NME9: variants seen among roughly 807,000 people sequenced by gnomAD.
The protein encoded by NME9 is thioredoxin domain-containing protein 6.
In NME9, 48 loss-of-function variants were observed where a neutral mutation model predicts 44.4. The observed-to-expected ratio is 1.08, with a 90% CI of 0.86 to 1.37. The LOEUF (loss-of-function observed/expected upper bound fraction) is 1.37. Ranked by LOEUF, NME9 falls within the 40% of genes most tolerant of loss-of-function variation. The pLI is 0.00. For synonymous variants in NME9, 139 were observed against 147.1 expected, an observed-to-expected ratio of 0.94 and a Z score of 0.40; for missense variants, 325 against 405.2, an observed-to-expected ratio of 0.80 and a Z score of 1.70.
chr3:138,311,058 A>T (rs1469496283), intron 6 of NME9, among the ~76,000 whole-genome samples: 1 of 152,172 alleles, frequency 6.6e-6, no homozygotes, highest in Non-Finnish European at 1.5e-5. Context: ...GAAAATGGAG[A>T]CATAACAACT....
chr3:138,328,351 C>G (rs1407710096), intron 1 of NME9, among the ~76,000 whole-genome samples: 1 of 134,790 alleles, frequency 7.4e-6, no homozygotes, highest in Non-Finnish European at 1.6e-5. Context: ...CCACCCCACA[C>G]CCCTCCCACC....
chr3:138,294,769 G>A (rs1222974016), intron 8 of NME9, among the ~76,000 whole-genome samples: 1 of 152,150 alleles, frequency 6.6e-6, no homozygotes, highest in East Asian at 1.9e-4. Context: ...CCATGTTTGT[G>A]ATAGGAATAG....
chr3:138,264,244 T>G (rs1308434981), intron 8 of NME9: 3 of 1,569,238 alleles, frequency 1.9e-6, no homozygotes. Flanking sequence ...GTAACAGCTG[T>G]ACTCACAGAC....
At chr3:138,299,651 T>C (rs139086644), downstream of NME9, among the ~76,000 whole-genome samples, 1 of 152,208 alleles carries the variant, frequency 6.6e-6, no homozygotes, top group African/African-American at 2.4e-5. Context: ...TCACCAGTAA[T>C]GGGAGGAAGG....
At chr3:138,296,725 A>G (rs1433340136), downstream of NME9, 1 of 152,192 alleles carries the variant, frequency 6.6e-6, no homozygotes, top group Non-Finnish European at 1.5e-5. Context: ...AAGTAAAGTG[A>G]GGCAACAGAT....
intron 8 of NME9, among the ~76,000 whole-genome samples, chr3:138,271,212 CTT>C (rs1226941285): frequency 6.6e-6 from 1 of 152,160 alleles, no homozygotes; most frequent in Non-Finnish European, 1.5e-5. Flanking sequence ...CTTTGCACAG[CTT>C]TTAGCACTTC....
At chr3:138,305,576 C>T (rs1221694224) in intron 8 of NME9, among the ~76,000 whole-genome samples, 3 of 152,062 alleles carry the variant, frequency 2.0e-5, no homozygotes, top group Non-Finnish European at 4.4e-5. Flanking sequence ...GGGTTCTGAC[C>T]CAAGCTAAGC....
At position 138,273,188 on chromosome 3, in the gene NME9, G is replaced by C. The variant is rs533617361; in HGVS notation, c.746-10602C>G. The C allele has an allele frequency of 5.1e-5, 74 of 1,437,406 alleles. No individual in the cohort carries two copies. The African/African-American group carries it at 6.6e-4, about 13-fold the overall frequency. 89.0% of individuals were successfully genotyped at this position (1,437,406 alleles called of 1,614,324 possible). On this transcript the variant is annotated intron_variant, in intron 8 of 8. Coordinates refer to the NME9 transcript ENST00000317876. Reference sequence around the variant, plus strand: ...CATTGCAAGACATTGCTCTCTCTCTGTGCTCTCATTAACATCTGCCCATGA... The same window carrying C: ...CATTGCAAGACATTGCTCTCTCTCTCTGCTCTCATTAACATCTGCCCATGA...
At chr3:138,318,274 T>C (rs1000266002) in intron 3 of NME9, 55 bp from the exon 4 acceptor site, 16 of 1,171,102 alleles carry the variant, frequency 1.4e-5, no homozygotes, top group African/African-American at 1.2e-4. Flanking sequence ...CAGGGCCCAA[T>C]TGATTGGTGG....
intron 2 of NME9, among the ~76,000 whole-genome samples, chr3:138,323,849 G>C (rs1288531830): frequency 2.6e-5 from 4 of 152,212 alleles, no homozygotes; most frequent in Non-Finnish European, 5.9e-5. Flanking sequence ...GAAGTAAAGA[G>C]TGGGTGACAG....
intron 8 of NME9, among the ~76,000 whole-genome samples, chr3:138,292,872 G>T (rs1473918707): frequency 6.6e-6 from 1 of 152,188 alleles, no homozygotes; most frequent in Non-Finnish European, 1.5e-5. Context: ...GAAAGATGCA[G>T]CAAAGGAGCA....
intron 1 of NME9, among the ~76,000 whole-genome samples, chr3:138,325,293 TTG>T (rs2053710476): frequency 6.6e-6 from 1 of 152,226 alleles, no homozygotes. Context: ...GTTGAATTTA[TTG>T]CCATTCACTC....
chr3:138,312,426 A>G (rs2052763932), intron 6 of NME9, among the ~76,000 whole-genome samples: 1 of 152,010 alleles, frequency 6.6e-6, no homozygotes, highest in Non-Finnish European at 1.5e-5. Flanking sequence ...CAGACACAGA[A>G]TAGCGAACCC....
rs931756286 is a variant in NME9 at position 138,316,353 on chromosome 3, A to G, written c.268-710T>C. ...AAGCACTAAGGCAGAGGCAAAGAAT[A>G]TAAACATTAAACATGAAAAAACATA... On this transcript the variant is annotated intron_variant, in intron 4 of 10. Coordinates refer to ENST00000333911, the MANE Select transcript of NME9 (RefSeq NM_001349018.2). 2.6e-5 allele frequency among the ~76,000 whole-genome samples: 4 copies of G among 152,252 alleles called. No individual in the cohort carries two copies. The East Asian group carries it at 5.8e-4, about 22-fold the overall frequency.
intron 8 of NME9, chr3:138,267,258 T>G: frequency 2.7e-6 from 4 of 1,488,150 alleles, no homozygotes; most frequent in Non-Finnish European, 3.7e-6. Context: ...ATTGATTTTC[T>G]TTTCCTAGAC....
rs1219499678 is a variant in NME9, at chr3:138,318,175, CT to C, written c.239del (p.Lys80SerfsTer31). On this transcript the variant is annotated frameshift_variant, in exon 4 of 11. Transcript: ENST00000333911. LOFTEE classifies it high-confidence loss of function. ...RLDVLEKYRG[K>X]CEPTFLFYAG... Reference sequence around the variant, plus strand: ...CATAAAACAGAAAGGTTGGCTCGCACTTCCCTCTGTACTTTTCGAGGACATC... The same window carrying C: ...CATAAAACAGAAAGGTTGGCTCGCACTCCCTCTGTACTTTTCGAGGACATC... The C allele has an allele frequency of 1.5e-5, 24 of 1,611,968 alleles. No homozygotes were observed. The highest frequency in any genetic ancestry group is 2.0e-5 in the Non-Finnish European group (23 of 1,178,126).
chr3:138,300,700 G>A (rs958378558), downstream of NME9, among the ~76,000 whole-genome samples: 2 of 152,190 alleles, frequency 1.3e-5, no homozygotes, highest in Non-Finnish European at 2.9e-5. Flanking sequence ...AAATTTAAGT[G>A]TCAGCCAGAA....
chr3:138,321,493 C>T (rs1048594595), intron 2 of NME9, among the ~76,000 whole-genome samples: 14 of 152,344 alleles, frequency 9.2e-5, no homozygotes, highest in Admixed American at 4.6e-4. Context: ...AAAACCATTA[C>T]TTTGGCCATT....
intron 6 of NME9, among the ~76,000 whole-genome samples, chr3:138,309,203 G>T (rs2052514057): frequency 6.6e-6 from 1 of 150,910 alleles, no homozygotes; most frequent in Admixed American, 6.6e-5. Flanking sequence ...GGCTGAGGCA[G>T]CAGGAGAATC....
Sources: gnomAD v4.1 joint callset for allele counts (sites outside exome capture counted in the v4.1 genomes callset) on GRCh38, gnomAD v4.1.1 for gene constraint, MANE v1.5 for transcripts, NCBI Gene and HGNC (gene_info 2026-07-23, HGNC 2026-07-21) for gene names.